Variants in SLC37A1 observed in about 807,000 individuals in gnomAD.
SLC37A1 encodes the protein glucose-6-phosphate exchanger SLC37A1.
In SLC37A1, 49 loss-of-function variants were observed where a neutral mutation model predicts 75.3. The observed-to-expected ratio is 0.65, with a 90% CI of 0.52 to 0.83. The LOEUF is 0.83. SLC37A1 is among the 40% of genes least tolerant of loss of function. The pLI is 0.00. For missense variants in SLC37A1, 566 were observed against 695.0 expected, an observed-to-expected ratio of 0.81 and a Z score of 2.09; for synonymous variants, 268 against 292.1, an observed-to-expected ratio of 0.92 and a Z score of 0.84.
chr21:42,545,309 A>G lies in SLC37A1; in HGVS notation c.730+1707A>G, dbSNP rs980739069. Among the ~76,000 whole-genome samples, 1 of 152,128 alleles carries G rather than the reference A, an allele frequency of 6.6e-6. No homozygotes were observed. The highest frequency in any genetic ancestry group is 2.4e-5 in the African/African-American group (1 of 41,418). ...CTGGGAGGTGCACTGTGTCTGAATG[A>G]TGAGACCCAGCTGTGACAACAGTGG... On this transcript the variant is annotated intron_variant, in intron 8 of 19. Coordinates refer to ENST00000352133, the MANE Select transcript of SLC37A1 (RefSeq NM_001320537.2). The surrounding 1 kb of genome is among the most constrained non-coding windows in gnomAD (Gnocchi z 4.0).
At chr21:42,528,784 G>A (rs1463936798) in intron 3 of SLC37A1, among the ~76,000 whole-genome samples, 1 of 152,068 alleles carries the variant, frequency 6.6e-6, no homozygotes, top group Non-Finnish European at 1.5e-5. Flanking sequence ...AGCCGAGAGC[G>A]CACCATTGCC....
At chr21:42,550,796 C>T (rs1208910350) in intron 9 of SLC37A1, among the ~76,000 whole-genome samples, 3 of 152,210 alleles carry the variant, frequency 2.0e-5, no homozygotes, top group Admixed American at 6.5e-5. Flanking sequence ...ATGTAATACA[C>T]CATTTGAATG....
At chr21:42,564,835 A>G in intron 14 of SLC37A1, 42 bp downstream of exon 14, 1 of 1,565,526 alleles carries the variant, frequency 6.4e-7, no homozygotes, top group African/African-American at 1.3e-5. Flanking sequence ...GCCTGCAGAC[A>G]GTCCCCCACT....
chr21:42,529,259 G>C (rs1308527572), intron 3 of SLC37A1, among the ~76,000 whole-genome samples: 3 of 152,146 alleles, frequency 2.0e-5, no homozygotes, highest in African/African-American at 7.2e-5. Context: ...AGAAATAAAT[G>C]TTGAATCCCT....
At position 42,566,897 on chromosome 21, in the gene SLC37A1, T is replaced by G. The variant is rs1030364028; in HGVS notation, c.1271-88T>G. 3.6e-6 allele frequency: 5 copies of G among 1,370,286 alleles called. 1 individual carries two copies. In the Admixed American group the frequency reaches 1.0e-4, roughly 27 times the overall value. 84.9% of individuals were successfully genotyped at this position (1,370,286 alleles called of 1,614,324 possible). A position where few individuals can be genotyped will look rare whatever the true frequency, so the allele number is the denominator to read the frequency against. ...TTTCTGCTGCATCCCCTCCCTGTGC[T>G]CCCCAGGCGCCCACCTCAGGCTGCT... On this transcript the variant is annotated intron_variant, in intron 15 of 19. Coordinates refer to ENST00000352133, the MANE Select transcript of SLC37A1 (RefSeq NM_001320537.2).
intron 10 of SLC37A1, among the ~76,000 whole-genome samples, chr21:42,558,447 AT>A (rs1202257429): frequency 3.9e-5 from 6 of 152,226 alleles, no homozygotes; most frequent in Non-Finnish European, 8.8e-5. Flanking sequence ...GTTGGCTTAG[AT>A]TTTAGCTTCT....
intron 16 of SLC37A1, among the ~76,000 whole-genome samples, chr21:42,568,157 A>C (rs779047061): frequency 2.0e-5 from 3 of 152,262 alleles, no homozygotes; most frequent in Non-Finnish European, 4.4e-5. Flanking sequence ...AACTAGAACC[A>C]AGCATTTCTG....
intron 18 of SLC37A1, chr21:42,575,224 T>C (rs548882048): frequency 1.0e-6 from 1 of 983,946 alleles, no homozygotes; most frequent in Admixed American, 6.1e-5. Flanking sequence ...TTTCGTAACC[T>C]CTGCTCCACA....
rs1436413918 is a variant in SLC37A1, at chr21:42,545,283, C to T, written c.730+1681C>T. On this transcript the variant is annotated intron_variant, in intron 8 of 19. Coordinates refer to ENST00000352133, the MANE Select transcript of SLC37A1 (RefSeq NM_001320537.2). The surrounding 1 kb of genome is among the most constrained non-coding windows in gnomAD (Gnocchi z 4.0). ...CTTTCTGACACTCTTTCCCCTTGTG[C>T]CTGGGAGGTGCACTGTGTCTGAATG... 2.0e-5 allele frequency among the ~76,000 whole-genome samples: 3 copies of T among 152,194 alleles called. No individual in the cohort carries two copies. The highest frequency in any genetic ancestry group is 2.9e-5 in the Non-Finnish European group (2 of 68,040).
intron 8 of SLC37A1, among the ~76,000 whole-genome samples, chr21:42,546,620 C>G (rs2055413408): frequency 6.6e-6 from 1 of 152,196 alleles, no homozygotes; most frequent in South Asian, 2.1e-4. Context: ...TGGCGGTGAT[C>G]TGCCATACCC....
intron 17 of SLC37A1, among the ~76,000 whole-genome samples, chr21:42,571,589 G>T (rs9941834): frequency 6.6e-6 from 1 of 151,786 alleles, no homozygotes; most frequent in African/African-American, 2.4e-5. Flanking sequence ...GCTTACCTAC[G>T]TATTTCCATG....
intron 10 of SLC37A1, among the ~76,000 whole-genome samples, chr21:42,554,979 GTTGT>G (rs1184871410): frequency 1.6e-5 from 2 of 127,152 alleles, no homozygotes; most frequent in South Asian, 2.3e-4. Context: ...TGGTTGGTTG[GTTGT>G]TTTTTTTTTT....
In SLC37A1 at chr21:42,581,409, A is replaced by ATGTT. The variant is rs2056418345; in HGVS notation, c.*1051_*1054dup. 2 of 152,780 alleles carry ATGTT rather than the reference A, an allele frequency of 1.3e-5. No individual in the cohort carries two copies. Among genetic ancestry groups the ATGTT allele is most frequent in the Admixed American group, 1.3e-4 (2 of 15,306 alleles). 9.5% of individuals were successfully genotyped at this position (152,780 alleles called of 1,614,324 possible). A position where few individuals can be genotyped will look rare whatever the true frequency, so the allele number is the denominator to read the frequency against. ...ATACTTATCTGCCCTTTGAAATAAA[A>ATGTT]TGTTTTTGTTTAAAAAATCTCAGAA... On this transcript the variant is annotated 3_prime_UTR_variant, in exon 20 of 20. Transcript: ENST00000352133.
At chr21:42,559,888 A>AAC (rs1186775656) in intron 11 of SLC37A1, among the ~76,000 whole-genome samples, 6 of 151,512 alleles carry the variant, frequency 4.0e-5, no homozygotes, top group Admixed American at 1.3e-4. Flanking sequence ...AAAAAAAAAA[A>AAC]AACCCAAAAA....
At chr21:42,525,894 G>T in intron 3 of SLC37A1, 37 bp downstream of exon 3, 2 of 1,529,138 alleles carry the variant, frequency 1.3e-6, no homozygotes, top group African/African-American at 1.4e-5. Context: ...TCGTCTCTGT[G>T]AGGAGTTCGT....
At position 42,542,450 on chromosome 21, in the gene SLC37A1, C is replaced by T; in HGVS notation, c.533C>T (p.Thr178Ile). The change falls in exon 7 of 20, where the codon ACC (threonine) becomes ATC (isoleucine). Residue 178 changes from threonine (T) to isoleucine (I), a missense_variant. Physicochemically the swap from Thr to Ile is moderately conservative, Grantham distance 89. Coordinates refer to ENST00000352133, the MANE Select transcript of SLC37A1 (RefSeq NM_001320537.2). ...ACCACCGGCTGGCCCAGCGTCGTCA[C>T]CTGCCTCGGCAACTGGTTTGGAAAA... Reference protein sequence around the residue: ...VQTTGWPSVVTCLGNWFGKGR... With the variant: ...VQTTGWPSVVICLGNWFGKGR... The T allele has an allele frequency of 1.9e-6, 3 of 1,614,066 alleles. No individual in the cohort carries two copies. The highest frequency in any genetic ancestry group is 1.7e-6 in the Non-Finnish European group (2 of 1,179,972).
chr21:42,513,572 G>A (rs1355294303), upstream of SLC37A1, among the ~76,000 whole-genome samples: 2 of 151,992 alleles, frequency 1.3e-5, no homozygotes, highest in Admixed American at 1.3e-4. Context: ...CTGCCCGGAG[G>A]CCGGTGGGGA....
intron 1 of SLC37A1, among the ~76,000 whole-genome samples, chr21:42,501,499 T>C (rs924451072): frequency 5.3e-5 from 8 of 152,166 alleles, no homozygotes; most frequent in African/African-American, 1.9e-4. Context: ...TTGCCTGAGC[T>C]CAGGAGTTCA....
At chr21:42,571,819 T>G (rs1162076324) in intron 17 of SLC37A1, among the ~76,000 whole-genome samples, 1 of 151,950 alleles carries the variant, frequency 6.6e-6, no homozygotes, top group African/African-American at 2.4e-5. Context: ...TTTTCCTCTT[T>G]TTCACATTTC....
Sources: gnomAD v4.1 joint callset for allele counts (sites outside exome capture counted in the v4.1 genomes callset) on GRCh38, gnomAD v4.1.1 for gene constraint, Gnocchi (gnomAD v3.1) non-coding constraint, MANE v1.5 for transcripts, NCBI Gene and HGNC (gene_info 2026-07-23, HGNC 2026-07-21) for gene names.